The following TMEM117 variants were observed in gnomAD, a reference collection of about 807,000 sequenced individuals.
TMEM117 encodes transmembrane protein 117.
Under a neutral mutation model 52.4 loss-of-function variants are expected in TMEM117, and 27 were observed. The observed-to-expected ratio is 0.51, with a 90% CI of 0.38 to 0.71. TMEM117 has a LOEUF of 0.71. Among genes scored for constraint, TMEM117 ranks in the 30% least tolerant of loss-of-function variants. TMEM117 has a pLI of 0.00. For missense variants in TMEM117, 556 were observed against 630.5 expected (o/e 0.88, Z 1.26); for synonymous variants, 215 against 206.3 (o/e 1.04, Z -0.36).
At chr12:44,216,005 C>CTTTTTTTTT (rs778425747) in intron 5 of TMEM117, among the ~76,000 whole-genome samples, 67 of 110,784 alleles carry the variant, frequency 6.0e-4, no homozygotes, top group African/African-American at 8.9e-4. Flanking sequence ...TTCTTTCTTT[C>CTTTTTTTTT]TTTTTTTTTT....
intron 3 of TMEM117, among the ~76,000 whole-genome samples, chr12:43,996,359 A>G (rs902272824): frequency 6.6e-6 from 1 of 152,140 alleles, no homozygotes; most frequent in African/African-American, 2.4e-5. Flanking sequence ...AAGAAACATT[A>G]TTGGCTGGGG....
chr12:43,805,769 G>T, the TMEM117 span: 1 of 1,344,116 alleles, frequency 7.4e-7, no homozygotes, highest in Non-Finnish European at 9.9e-7. Context: ...ATTCTGGCAT[G>T]GTTCTTTTTG....
At chr12:44,227,258 T>C (rs55874183) in intron 5 of TMEM117, among the ~76,000 whole-genome samples, 16,112 of 152,136 alleles carry the variant, frequency 0.11, 939 homozygotes, top group Middle Eastern at 0.2. Flanking sequence ...AGATTGCTTG[T>C]GCTCAGGAGT....
intron 6 of TMEM117, among the ~76,000 whole-genome samples, chr12:44,351,487 T>G (rs1409907863): frequency 6.6e-6 from 1 of 152,040 alleles, no homozygotes; most frequent in African/African-American, 2.4e-5. Context: ...TTTCATAGTT[T>G]GAGGTCTTAG....
intron 3 of TMEM117, among the ~76,000 whole-genome samples, chr12:44,025,529 C>G (rs1009165856): frequency 6.6e-6 from 1 of 152,090 alleles, no homozygotes; most frequent in African/African-American, 2.4e-5. Flanking sequence ...ATGTAGAGAT[C>G]TATTCCTCTT....
intron 3 of TMEM117, among the ~76,000 whole-genome samples, chr12:44,026,147 A>G (rs1946530518): frequency 6.6e-6 from 1 of 152,106 alleles, no homozygotes; most frequent in Non-Finnish European, 1.5e-5. Flanking sequence ...CTTTCACTCA[A>G]ATGAGAAATT....
intron 3 of TMEM117, among the ~76,000 whole-genome samples, chr12:44,127,114 G>C (rs1948338228): frequency 6.6e-6 from 1 of 152,180 alleles, no homozygotes; most frequent in African/African-American, 2.4e-5. Context: ...GAGGTAGCTA[G>C]GGAAAGTGGA....
At chr12:44,017,763 G>A (rs1346803071) in intron 3 of TMEM117, among the ~76,000 whole-genome samples, 1 of 152,042 alleles carries the variant, frequency 6.6e-6, no homozygotes, top group East Asian at 1.9e-4. Context: ...GACATCAAAG[G>A]TAATGTTATT....
chr12:44,139,054 C>G (rs897823451), intron 3 of TMEM117, among the ~76,000 whole-genome samples: 3 of 152,114 alleles, frequency 2.0e-5, no homozygotes, highest in Non-Finnish European at 2.9e-5. Context: ...GTCAACTCCT[C>G]GCCCATGATT....
intron 2 of TMEM117, among the ~76,000 whole-genome samples, chr12:43,931,076 G>T (rs1944863916): frequency 6.6e-6 from 1 of 152,192 alleles, no homozygotes; most frequent in Admixed American, 6.5e-5. Context: ...ACCCCAAGCT[G>T]GGGAAAGTAT....
chr12:43,933,803 C>G (rs749820654), intron 2 of TMEM117, among the ~76,000 whole-genome samples: 3 of 151,568 alleles, frequency 2.0e-5, no homozygotes, highest in Non-Finnish European at 2.9e-5. Flanking sequence ...CCTTGTGATC[C>G]GCCGGCTTCA....
At chr12:44,018,944 C>T (rs956695429) in intron 3 of TMEM117, among the ~76,000 whole-genome samples, 3 of 151,824 alleles carry the variant, frequency 2.0e-5, no homozygotes, top group Admixed American at 1.3e-4. Context: ...GGTCTTGATC[C>T]GCCTGCCTCA....
Position 44,025,902 on chromosome 12 carries a change from C to A in TMEM117, c.410+81560C>A, listed in dbSNP as rs1001987330. ...GTATAATCAAAGAATTACCTATCCG[C>A]CCCCCCCACCCATAGAGGTATGTGT... On this transcript the variant is annotated intron_variant, in intron 3 of 7. Coordinates refer to ENST00000266534, the MANE Select transcript of TMEM117 (RefSeq NM_032256.3). Among the ~76,000 whole-genome samples, 413 of 133,216 alleles carry A rather than the reference C, an allele frequency of 3.1e-3. 4 individuals carry two copies. The highest frequency in any genetic ancestry group is 0.012 in the African/African-American group (389 of 31,178). 87.4% of individuals were successfully genotyped at this position (133,216 alleles called of 152,430 possible).
At position 44,122,048 on chromosome 12, in the gene TMEM117, CT is replaced by C. The variant is rs201865850; in HGVS notation, c.411-21462del. On this transcript the variant is annotated intron_variant, in intron 3 of 7. Transcript: ENST00000266534. ...GGACATGATTTCATTCTTTTCTTTT[CT>C]TTTTTTTTTTTTTTGAGACAGAGTC... 1.6e-3 allele frequency among the ~76,000 whole-genome samples: 225 copies of C among 138,742 alleles called. 1 individual carries two copies. Among genetic ancestry groups the C allele is most frequent in the Admixed American group, 2.4e-3 (34 of 13,892 alleles). 91.0% of individuals were successfully genotyped at this position (138,742 alleles called of 152,430 possible).
intron 3 of TMEM117, among the ~76,000 whole-genome samples, chr12:43,956,261 G>A (rs552148150): frequency 4.3e-4 from 66 of 152,236 alleles, no homozygotes; most frequent in African/African-American, 1.6e-3. Context: ...ATTGCCGAAA[G>A]CAATTGCAAC....
intron 2 of TMEM117, among the ~76,000 whole-genome samples, chr12:43,888,583 T>A (rs945798918): frequency 7.3e-6 from 1 of 137,576 alleles, no homozygotes; most frequent in African/African-American, 2.7e-5. Context: ...AGTCTTGCTC[T>A]ATCACCCAGG....
the TMEM117 span, among the ~76,000 whole-genome samples, chr12:43,830,013 G>A: frequency 4.6e-5 from 7 of 151,038 alleles, no homozygotes; most frequent in African/African-American, 1.5e-4. Context: ...GCTTGAACCC[G>A]GGAGGCGGAC....
chr12:44,333,662 A>C (rs1329198124), intron 6 of TMEM117, among the ~76,000 whole-genome samples: 2 of 152,028 alleles, frequency 1.3e-5, no homozygotes, highest in African/African-American at 4.8e-5. Flanking sequence ...AGGCCTCCCC[A>C]GCCCTGTGGA....
At chr12:43,974,787 T>C (rs1945645952) in intron 3 of TMEM117, among the ~76,000 whole-genome samples, 1 of 152,168 alleles carries the variant, frequency 6.6e-6, no homozygotes, top group Non-Finnish European at 1.5e-5. Flanking sequence ...AGTAATTATG[T>C]CTTCTATGTT....
Sources: allele counts gnomAD v4.1 joint callset (sites outside exome capture counted in the v4.1 genomes callset), GRCh38; gene constraint gnomAD v4.1.1; transcripts MANE v1.5; gene names NCBI Gene and HGNC (gene_info 2026-07-23, HGNC 2026-07-21).